The following MAPKBP1 variants were observed in gnomAD, a reference collection of about 807,000 sequenced individuals.
MAPKBP1 encodes the protein mitogen-activated protein kinase binding protein 1.
Under a neutral mutation model 170.5 loss-of-function variants are expected in MAPKBP1, and 71 were observed. The observed-to-expected ratio is 0.42, with a 90% confidence interval of 0.34 to 0.51. The LOEUF is 0.51. Among genes scored for constraint, MAPKBP1 ranks in the 20% least tolerant of loss-of-function variants. The probability of loss-of-function intolerance (pLI) is 0.06; values close to 1 mark genes in which losing one functional copy is unlikely to be tolerated. For synonymous variants in MAPKBP1, 719 were observed against 757.9 expected (o/e 0.95, Z 0.84); for missense variants, 1,598 against 1,933.0 (o/e 0.83, Z 3.25).
chr15:41,810,964 T>G lies in MAPKBP1; in HGVS notation c.269+19T>G. The G allele has an allele frequency of 1.2e-6, 2 of 1,613,966 alleles. No homozygotes were observed. The highest frequency in any genetic ancestry group is 1.7e-5 in the Admixed American group (1 of 60,030). On this transcript the variant is annotated intron_variant, in intron 4 of 30. Coordinates refer to ENST00000457542, the MANE Select transcript of MAPKBP1 (RefSeq NM_014994.3). ...GTTCCAGGTAAATGGGCTGGGGTCC[T>G]CAGGATACCTCTTCCTTCTGGGAGC...
intron 5 of MAPKBP1, chr15:41,811,449 CAG>C (rs1465238341): frequency 1.4e-6 from 1 of 702,920 alleles, no homozygotes; most frequent in African/African-American, 1.7e-5. Flanking sequence ...GCCTGGTCCT[CAG>C]AGTTTCTGAT....
chr15:41,775,848 T>G (rs1235893735), intron 2 of MAPKBP1, among the ~76,000 whole-genome samples: 1 of 152,370 alleles, frequency 6.6e-6, no homozygotes. Context: ...ACTGGCTTGG[T>G]AATTGCTCTT....
rs193010647 is a variant in MAPKBP1, at chr15:41,807,656, A to G, written c.207-3227A>G. ...AAGGTTCAGAAAACGTTGTTTAACCACTGAGAACTTTCTGGGCTCTGAATT... is the reference window on the plus strand; with the variant it reads ...AAGGTTCAGAAAACGTTGTTTAACCGCTGAGAACTTTCTGGGCTCTGAATT... On this transcript the variant is annotated intron_variant, in intron 3 of 30. Transcript: ENST00000457542. 9.1e-4 allele frequency among the ~76,000 whole-genome samples: 139 copies of G among 152,328 alleles called. 1 individual carries two copies. The highest frequency in any genetic ancestry group is 4.2e-3 in the Admixed American group (65 of 15,304).
Position 41,824,583 on chromosome 15 carries a change from G to A in MAPKBP1, c.4299+14G>A. 6.3e-7 allele frequency: 1 copy of A among 1,581,266 alleles called. No homozygotes were observed. Among genetic ancestry groups the A allele is most frequent in the Non-Finnish European group, 8.6e-7 (1 of 1,166,270 alleles). On this transcript the variant is annotated intron_variant, in intron 30 of 30. Transcript: ENST00000457542. ...CTCTACCACTCGGTGGGTGTTAGGT[G>A]CCCCCCGGCAGGAAGGCGGGCACGT...
intron 2 of MAPKBP1, among the ~76,000 whole-genome samples, chr15:41,797,322 A>G (rs1278293900): frequency 6.6e-6 from 1 of 152,182 alleles, no homozygotes; most frequent in East Asian, 1.9e-4. Flanking sequence ...ACCAGGAGAA[A>G]ATAAGAGTTG....
intron 29 of MAPKBP1, among the ~76,000 whole-genome samples, 162 bp downstream of exon 29, chr15:41,824,223 A>G (rs539523375): frequency 2.7e-5 from 4 of 150,916 alleles, no homozygotes; most frequent in African/African-American, 7.3e-5. Flanking sequence ...TGATGGTGAG[A>G]CCCTCCTGCT....
chr15:41,817,927 G>T lies in MAPKBP1; in HGVS notation c.1905-82G>T. 6.5e-7 allele frequency: 1 copy of T among 1,536,026 alleles called. No individual in the cohort carries two copies. Among genetic ancestry groups the T allele is most frequent in the South Asian group, 1.1e-5 (1 of 88,458 alleles). On this transcript the variant is annotated intron_variant, in intron 16 of 30. Coordinates refer to ENST00000457542, the MANE Select transcript of MAPKBP1 (RefSeq NM_014994.3). This position sits in a 1 kb window ranked among gnomAD's most constrained non-coding sequence, Gnocchi z 4.2. ...GTAGCTCCCAGAGAGTGTAGACTGG[G>T]AGTGAAAGCTGGCATTTCCATCCCC...
At chr15:41,811,690 C>G (rs1244836970) in intron 5 of MAPKBP1, 1 of 660,038 alleles carries the variant, frequency 1.5e-6, no homozygotes, top group African/African-American at 1.8e-5. Context: ...GGCTGCCCAT[C>G]AGAACCATTC....
rs1001983476 is a variant in MAPKBP1, at chr15:41,782,512, A to G, written c.114+7123A>G. ...TCTTATTCAAGTTTTACAGAAGTCT[A>G]CCATAAATACTATTACCACCCCATT... On this transcript the variant is annotated intron_variant, in intron 2 of 30. Transcript: ENST00000457542. Among the ~76,000 whole-genome samples the G allele has an allele frequency of 1.6e-4, 24 of 152,296 alleles. 1 individual carries two copies. Among genetic ancestry groups the G allele is most frequent in the Admixed American group, 1.5e-3 (23 of 15,284 alleles).
intron 24 of MAPKBP1, 50 bp from the exon 25 acceptor site, chr15:41,821,915 T>A: frequency 6.3e-7 from 1 of 1,592,018 alleles, no homozygotes; most frequent in Non-Finnish European, 8.6e-7. Flanking sequence ...GCGGGGCTGC[T>A]GCCTACCCCT....
Position 41,817,808 on chromosome 15 carries a change from TC to T in MAPKBP1, c.1904+76del. On this transcript the variant is annotated intron_variant, in intron 16 of 30. Transcript: ENST00000457542. The surrounding 1 kb of genome is among the most constrained non-coding windows in gnomAD (Gnocchi z 4.2). ...CGGGGTCAGCTCTGTGCAGCTAAGT[TC>T]CCACATCTGTCGTTCTGTACAGGAC... 1 of 1,592,918 alleles carries T rather than the reference TC, an allele frequency of 6.3e-7. No homozygotes were observed. Among genetic ancestry groups the T allele is most frequent in the Non-Finnish European group, 8.6e-7 (1 of 1,168,498 alleles).
rs1187471156 is a variant in MAPKBP1, at chr15:41,819,366, C to T, written c.2412C>T (p.Thr804=). Residue 804 remains threonine (T), a synonymous_variant, in exon 21 of 31, where the codon ACC becomes ACT. Transcript: ENST00000457542. The stretch of plus-strand genomic sequence containing the variant: ...CACTGCCCGTCCTTGCCAAGAGTAC[C>T]AAGAAGGCACTGGGTCTGTGGCAGT... The part of the protein sequence containing the change: ...LPALPVLAKS[T]KKALASVPSP... 1.9e-6 allele frequency: 3 copies of T among 1,614,006 alleles called. No individual in the cohort carries two copies. The highest frequency in any genetic ancestry group is 2.5e-6 in the Non-Finnish European group (3 of 1,180,018).
chr15:41,790,631 G>T (rs961022206), intron 2 of MAPKBP1, among the ~76,000 whole-genome samples: 13 of 152,204 alleles, frequency 8.5e-5, no homozygotes, highest in African/African-American at 3.1e-4. Flanking sequence ...CGTTAAGCAG[G>T]ATACCCTTTT....
At position 41,813,769 on chromosome 15, in the gene MAPKBP1, T is replaced by C. The variant is rs771168345; in HGVS notation, c.968T>C (p.Val323Ala). Residue 323 changes from valine to alanine, a missense_variant, in exon 9 of 31, where the codon GTC becomes GCC. Val to Ala is a moderately conservative substitution (Grantham distance 64). Coordinates refer to ENST00000457542, the MANE Select transcript of MAPKBP1 (RefSeq NM_014994.3). ...GCTCTGGGGACAGACATTGCTAGCG[T>C]CACCGAGGCCAGGTGAGCTATGTGG... ...PHALGTDIAS[V>A]TEASRLFSGV... is the part of the protein sequence containing the mutation. The C allele has an allele frequency of 5.6e-6, 9 of 1,598,040 alleles. No individual in the cohort carries two copies. Among genetic ancestry groups the C allele is most frequent in the Admixed American group, 1.8e-5 (1 of 56,912 alleles).
chr15:41,802,979 G>A (rs747271435), intron 3 of MAPKBP1, among the ~76,000 whole-genome samples: 1 of 152,088 alleles, frequency 6.6e-6, no homozygotes, highest in Non-Finnish European at 1.5e-5. Flanking sequence ...CATGCCCTTC[G>A]CTGTTGACCA....
At chr15:41,801,736 G>T (rs1186901111) in intron 3 of MAPKBP1, among the ~76,000 whole-genome samples, 1 of 152,046 alleles carries the variant, frequency 6.6e-6, no homozygotes, top group Non-Finnish European at 1.5e-5. Flanking sequence ...GGTAGTCCCA[G>T]CTGCTTGGGA....
intron 8 of MAPKBP1, chr15:41,813,366 T>C: frequency 6.6e-7 from 1 of 1,523,920 alleles, no homozygotes; most frequent in South Asian, 1.1e-5. Context: ...TGCCTGCACC[T>C]TCCTCTCTTT....
At chr15:41,791,822 TA>T (rs1410277294) in intron 2 of MAPKBP1, among the ~76,000 whole-genome samples, 1 of 152,210 alleles carries the variant, frequency 6.6e-6, no homozygotes, top group South Asian at 2.1e-4. Context: ...CTCCATGCTC[TA>T]AAAATAGGTG....
At chr15:41,821,927 C>G (rs2065004839) in intron 24 of MAPKBP1, 38 bp from the exon 25 acceptor site, 8 of 1,602,348 alleles carry the variant, frequency 5.0e-6, no homozygotes, top group Middle Eastern at 2.0e-4. Flanking sequence ...CCTACCCCTG[C>G]TCACTGCCTT....
Sources: allele counts gnomAD v4.1 joint callset (sites outside exome capture counted in the v4.1 genomes callset), GRCh38; gene constraint gnomAD v4.1.1; non-coding constraint Gnocchi (gnomAD v3.1); transcripts MANE v1.5; gene names NCBI Gene and HGNC (gene_info 2026-07-23, HGNC 2026-07-21).